Variants in CADPS2 observed in about 807,000 individuals in gnomAD.
The protein encoded by CADPS2 is calcium dependent secretion activator 2.
In CADPS2, 93 loss-of-function variants were observed where a neutral mutation model predicts 172.5. The observed-to-expected ratio is 0.54, with a 90% CI of 0.46 to 0.64. CADPS2 has a LOEUF of 0.64. CADPS2 is among the 30% of genes least tolerant of loss of function. CADPS2 has a pLI of 0.00. For missense variants in CADPS2, 1,420 were observed against 1,565.9 expected (o/e 0.91, Z 1.57); for synonymous variants, 546 against 555.2 (o/e 0.98, Z 0.23).
chr7:122,587,776 G>T (rs912794460), intron 6 of CADPS2, among the ~76,000 whole-genome samples: 1 of 152,040 alleles, frequency 6.6e-6, no homozygotes, highest in Non-Finnish European at 1.5e-5. Context: ...CTAGGTCTTT[G>T]AGGAATCGCC....
At chr7:122,855,265 G>T (rs940641545) in intron 1 of CADPS2, among the ~76,000 whole-genome samples, 4 of 152,174 alleles carry the variant, frequency 2.6e-5, no homozygotes, top group Admixed American at 6.5e-5. Flanking sequence ...TGGACACGAA[G>T]AAAGGAAGGG....
chr7:122,450,522 T>TTC (rs2052936922), intron 15 of CADPS2, among the ~76,000 whole-genome samples: 1 of 54,724 alleles, frequency 1.8e-5, no homozygotes, highest in Non-Finnish European at 3.6e-5. Flanking sequence ...ATTGGTGGCC[T>TTC]TTTTTTTTTT....
At chr7:122,779,363 G>A (rs1347872969) in intron 1 of CADPS2, among the ~76,000 whole-genome samples, 2 of 152,142 alleles carry the variant, frequency 1.3e-5, no homozygotes, top group African/African-American at 2.4e-5. Flanking sequence ...GCAAAGAGTG[G>A]AAGCTAGCAA....
chr7:122,487,912 A>T (rs1162466424), intron 11 of CADPS2, among the ~76,000 whole-genome samples: 6 of 152,230 alleles, frequency 3.9e-5, no homozygotes. Context: ...TAAATTTTAA[A>T]AACATAGAGA....
chr7:122,718,519 T>C (rs1336896246), intron 2 of CADPS2, among the ~76,000 whole-genome samples: 1 of 152,094 alleles, frequency 6.6e-6, no homozygotes, highest in Non-Finnish European at 1.5e-5. Context: ...GCCATGGCCT[T>C]CTAAACAGGG....
At chr7:122,407,313 G>A (rs1489604958) in intron 20 of CADPS2, among the ~76,000 whole-genome samples, 1 of 152,176 alleles carries the variant, frequency 6.6e-6, no homozygotes, top group African/African-American at 2.4e-5. Flanking sequence ...CTTCAGTGAA[G>A]GTAGGAGGAT....
intron 2 of CADPS2, among the ~76,000 whole-genome samples, chr7:122,682,858 C>T (rs925670082): frequency 6.6e-6 from 1 of 152,216 alleles, no homozygotes; most frequent in South Asian, 2.1e-4. Context: ...CTTGATCCCC[C>T]TCTTGGGTGG....
In CADPS2 at chr7:122,723,348, C is replaced by G. The variant is rs571780196; in HGVS notation, c.453+13607G>C. ...CAAATTTACAAGAAAAAAAACAACC[C>G]CATCAAAAAGTGGGCAAAGCATATG... On this transcript the variant is annotated intron_variant, in intron 2 of 29. Coordinates refer to ENST00000449022, the MANE Select transcript of CADPS2 (RefSeq NM_017954.11). 5.9e-5 allele frequency among the ~76,000 whole-genome samples: 9 copies of G among 152,010 alleles called. No homozygotes were observed. In the South Asian group the frequency reaches 1.9e-3, roughly 32 times the overall value.
At chr7:122,551,136 A>T (rs940518596) in intron 8 of CADPS2, among the ~76,000 whole-genome samples, 2 of 152,146 alleles carry the variant, frequency 1.3e-5, no homozygotes, top group Non-Finnish European at 2.9e-5. Flanking sequence ...GTTTAAAAAA[A>T]TAGTCATATT....
chr7:122,820,118 C>T lies in CADPS2; in HGVS notation c.339+65881G>A, dbSNP rs941709463. On this transcript the variant is annotated intron_variant, in intron 1 of 29. Coordinates refer to ENST00000449022, the MANE Select transcript of CADPS2 (RefSeq NM_017954.11). ...CACCCTGTGGTGCCAAACCCATATA[C>T]TCTCCTATCCTCAATACCTGCCTCT... 3.8e-4 allele frequency among the ~76,000 whole-genome samples: 58 copies of T among 152,092 alleles called. 1 individual carries two copies. The highest frequency in any genetic ancestry group is 2.1e-4 in the South Asian group (1 of 4,824).
At position 122,537,222 on chromosome 7, in the gene CADPS2, G is replaced by A. The variant is rs554346363; in HGVS notation, c.1475+17328C>T. Among the ~76,000 whole-genome samples, 19 of 150,858 alleles carry A rather than the reference G, an allele frequency of 1.3e-4. No individual in the cohort carries two copies. The South Asian group carries it at 3.8e-3, about 30-fold the overall frequency. On this transcript the variant is annotated intron_variant, in intron 8 of 29. Coordinates refer to ENST00000449022, the MANE Select transcript of CADPS2 (RefSeq NM_017954.11). ...ATGTATACAACTATTTATCAAAGAA[G>A]TATATTTACAACTATTTGTCCTAGG...
chr7:122,595,008 A>G (rs1587691455), intron 6 of CADPS2, among the ~76,000 whole-genome samples: 1 of 151,944 alleles, frequency 6.6e-6, no homozygotes, highest in East Asian at 1.9e-4. Context: ...GCACAACTAT[A>G]CTGTATACAC....
Position 122,787,116 on chromosome 7 carries a change from T to A in CADPS2, c.340-50048A>T, listed in dbSNP as rs192749649. 3.9e-5 allele frequency among the ~76,000 whole-genome samples: 6 copies of A among 152,282 alleles called. No homozygotes were observed. The East Asian group carries it at 1.2e-3, about 29-fold the overall frequency. On this transcript the variant is annotated intron_variant, in intron 1 of 29. Transcript: ENST00000449022. ...AAGCCACTCCAGAAGGAATACAAAC[T>A]TTAAGCAATGAGGAACAGCTAATGT...
At chr7:122,408,778 T>C (rs746764090) in intron 19 of CADPS2, among the ~76,000 whole-genome samples, 1 of 152,140 alleles carries the variant, frequency 6.6e-6, no homozygotes, top group African/African-American at 2.4e-5. Context: ...AAAAAGGGGA[T>C]TGCAAAATTT....
At chr7:122,532,030 C>CAAAA (rs11326243) in intron 8 of CADPS2, among the ~76,000 whole-genome samples, 1 of 131,644 alleles carries the variant, frequency 7.6e-6, no homozygotes, top group African/African-American at 2.8e-5. Context: ...GACTCCGTCT[C>CAAAA]AAAAAAAAAA....
chr7:122,879,708 T>G (rs1018399245), intron 1 of CADPS2, among the ~76,000 whole-genome samples: 1 of 152,138 alleles, frequency 6.6e-6, no homozygotes, highest in East Asian at 1.9e-4. Flanking sequence ...CCCAGTAATA[T>G]TTTCATTATA....
chr7:122,638,950 T>G (rs1220930110), intron 3 of CADPS2, among the ~76,000 whole-genome samples: 1 of 152,196 alleles, frequency 6.6e-6, no homozygotes, highest in Non-Finnish European at 1.5e-5. Context: ...CACTAGCTCC[T>G]CTAGTCTGCC....
intron 8 of CADPS2, among the ~76,000 whole-genome samples, chr7:122,527,405 C>T (rs1482411497): frequency 2.3e-5 from 2 of 86,700 alleles, no homozygotes; most frequent in African/African-American, 4.0e-5. Flanking sequence ...TTCTAACTCT[C>T]ACTAATATGC....
chr7:122,551,501 A>T (rs1430891962), intron 8 of CADPS2, among the ~76,000 whole-genome samples: 1 of 152,072 alleles, frequency 6.6e-6, no homozygotes, highest in Non-Finnish European at 1.5e-5. Context: ...TAAATGAATA[A>T]AACAGAGAAT....
Sources: gnomAD v4.1 joint callset for allele counts (sites outside exome capture counted in the v4.1 genomes callset) on GRCh38, gnomAD v4.1.1 for gene constraint, MANE v1.5 for transcripts, NCBI Gene and HGNC (gene_info 2026-07-23, HGNC 2026-07-21) for gene names.